The following TBC1D21 variants were observed in gnomAD, a reference collection of about 807,000 sequenced individuals.
TBC1D21 encodes male germ cell Rab GTPase-activating protein.
In TBC1D21, 38 loss-of-function variants were observed where a neutral mutation model predicts 46.0. The observed-to-expected ratio is 0.83, with a 90% CI of 0.64 to 1.08. The LOEUF (loss-of-function observed/expected upper bound fraction) is 1.08, where lower values mean the gene tolerates loss of function less well. Among genes scored for constraint, TBC1D21 ranks in the 50% least tolerant of loss-of-function variants. The probability of loss-of-function intolerance (pLI) is 0.00; values close to 1 mark genes in which losing one functional copy is unlikely to be tolerated. For synonymous variants in TBC1D21, 151 were observed against 157.2 expected (o/e 0.96, Z 0.29); for missense variants, 415 against 417.9 (o/e 0.99, Z 0.06).
At chr15:73,899,411 G>T in the TBC1D21 span, among the ~76,000 whole-genome samples, 1 of 152,336 alleles carries the variant, frequency 6.6e-6, no homozygotes, top group African/African-American at 2.4e-5. Flanking sequence ...GGTCATTCAA[G>T]GCCCCAGGCT....
downstream of TBC1D21, chr15:73,889,282 C>G (rs1023040052): frequency 1.0e-5 from 7 of 674,158 alleles, no homozygotes; most frequent in South Asian, 1.1e-4. Context: ...GAGACAGGGT[C>G]GTACGATAGG....
At chr15:73,897,730 C>T in the TBC1D21 span, among the ~76,000 whole-genome samples, 57 of 152,336 alleles carry the variant, frequency 3.7e-4, no homozygotes, top group African/African-American at 1.4e-3. Flanking sequence ...AACTGGCTGG[C>T]CCAGAGCTGC....
In TBC1D21 at chr15:73,887,659, C is replaced by A. The variant is rs1251050820; in HGVS notation, c.817C>A (p.Leu273Met). 6.2e-7 allele frequency: 1 copy of A among 1,613,988 alleles called. No homozygotes were observed. The highest frequency in any genetic ancestry group is 8.5e-7 in the Non-Finnish European group (1 of 1,180,002). The change falls in exon 9 of 11, where the codon CTG (leucine) becomes ATG (methionine). Residue 273 changes from leucine (L) to methionine (M), a missense_variant. Physicochemically the swap from Leu to Met is conservative, Grantham distance 15. Coordinates refer to ENST00000300504, the MANE Select transcript of TBC1D21 (RefSeq NM_153356.3). The stretch of plus-strand genomic sequence containing the variant: ...GAAGCCCTGCAGGAACTTCCAGGTG[C>A]TGGTGGCCTACAGCATGCTGCAGAT... ...TGKPCRNFQVLVAYSMLQMVR... is the reference protein window; with the variant it reads ...TGKPCRNFQVMVAYSMLQMVR...
the TBC1D21 span, among the ~76,000 whole-genome samples, chr15:73,899,721 T>C: frequency 3.3e-5 from 5 of 152,050 alleles, no homozygotes; most frequent in Admixed American, 3.3e-4. Context: ...AATGGAGCCA[T>C]AGAAGTCTCT....
At chr15:73,876,741 A>G (rs985247532) in intron 1 of TBC1D21, among the ~76,000 whole-genome samples, 7 of 151,938 alleles carry the variant, frequency 4.6e-5, no homozygotes, top group African/African-American at 1.2e-4. Flanking sequence ...TTTAATTTCA[A>G]TATTACCTCT....
intron 1 of TBC1D21, among the ~76,000 whole-genome samples, chr15:73,875,266 A>T (rs1201920142): frequency 1.4e-5 from 2 of 144,098 alleles, no homozygotes; most frequent in Non-Finnish European, 3.0e-5. Flanking sequence ...AAAAAAGAAG[A>T]AGAAGAAGAA....
At chr15:73,896,234 A>T in the TBC1D21 span, among the ~76,000 whole-genome samples, 1 of 152,104 alleles carries the variant, frequency 6.6e-6, no homozygotes, top group Admixed American at 6.5e-5. Flanking sequence ...GTGATTCTGC[A>T]GATGAAGTGG....
the TBC1D21 span, chr15:73,908,480 T>G: frequency 6.6e-6 from 1 of 152,340 alleles, no homozygotes; most frequent in African/African-American, 2.4e-5. Flanking sequence ...CTCTGCTGAC[T>G]GCGGTCCTCC....
chr15:73,887,997 G>A (rs2068281700), intron 9 of TBC1D21, among the ~76,000 whole-genome samples: 1 of 152,222 alleles, frequency 6.6e-6, no homozygotes, highest in Non-Finnish European at 1.5e-5. Context: ...TGAGGAAATG[G>A]AGGCCTTGAA....
downstream of TBC1D21, among the ~76,000 whole-genome samples, chr15:73,890,263 C>T (rs1567071236): frequency 6.6e-6 from 1 of 152,196 alleles, no homozygotes; most frequent in Non-Finnish European, 1.5e-5. Context: ...TGGTCTCCTT[C>T]CCCTCAGGCG....
At chr15:73,903,594 C>T in the TBC1D21 span, among the ~76,000 whole-genome samples, 8 of 152,340 alleles carry the variant, frequency 5.3e-5, no homozygotes, top group South Asian at 1.7e-3. Context: ...TGTCAGAAGG[C>T]CTGTTTAGTG....
intron 3 of TBC1D21, among the ~76,000 whole-genome samples, chr15:73,881,993 C>T (rs369260932): frequency 6.6e-6 from 1 of 152,118 alleles, no homozygotes; most frequent in Admixed American, 6.5e-5. Flanking sequence ...ACTCCTCTTA[C>T]CCCTGGGCCC....
the TBC1D21 span, among the ~76,000 whole-genome samples, chr15:73,895,387 C>G: frequency 6.6e-6 from 1 of 152,194 alleles, no homozygotes; most frequent in African/African-American, 2.4e-5. Flanking sequence ...CTGGACCACA[C>G]CAATGGCTGC....
chr15:73,890,204 C>G (rs1042931572), downstream of TBC1D21, among the ~76,000 whole-genome samples: 1 of 152,204 alleles, frequency 6.6e-6, no homozygotes, highest in Admixed American at 6.5e-5. Flanking sequence ...CCCATCCTGG[C>G]ACTCTTAGTG....
intron 3 of TBC1D21, among the ~76,000 whole-genome samples, chr15:73,882,230 G>A (rs1362927961): frequency 6.6e-6 from 1 of 152,158 alleles, no homozygotes; most frequent in Non-Finnish European, 1.5e-5. Context: ...TGTGTCCTTA[G>A]ATGAAACACT....
At chr15:73,885,887 T>G (rs760880968) in intron 6 of TBC1D21, among the ~76,000 whole-genome samples, 191 bp from the exon 7 acceptor site, 1 of 151,410 alleles carries the variant, frequency 6.6e-6, no homozygotes, top group Non-Finnish European at 1.5e-5. Flanking sequence ...CAAACTTGCA[T>G]ACACAGATCA....
chr15:73,879,874 CTGTTGTTGT>C (rs5813727), intron 1 of TBC1D21, among the ~76,000 whole-genome samples: 11 of 149,906 alleles, frequency 7.3e-5, no homozygotes, highest in African/African-American at 2.5e-4. Flanking sequence ...ACCCTCACTC[CTGTTGTTGT>C]TGTTGTTGTT....
At chr15:73,905,044 G>A in the TBC1D21 span, among the ~76,000 whole-genome samples, 2 of 152,318 alleles carry the variant, frequency 1.3e-5, no homozygotes, top group East Asian at 1.9e-4. Context: ...AGCAGCAGAG[G>A]GGGCCCAGGA....
intron 1 of TBC1D21, among the ~76,000 whole-genome samples, chr15:73,880,732 T>C (rs2068139166): frequency 6.6e-6 from 1 of 152,160 alleles, no homozygotes; most frequent in Non-Finnish European, 1.5e-5. Context: ...GATCCACCAC[T>C]GCACTCCAGC....
Sources: gnomAD v4.1 joint callset for allele counts (sites outside exome capture counted in the v4.1 genomes callset) on GRCh38, gnomAD v4.1.1 for gene constraint, MANE v1.5 for transcripts, NCBI Gene and HGNC (gene_info 2026-07-23, HGNC 2026-07-21) for gene names.